TMEM63B: variants seen among roughly 807,000 people sequenced by gnomAD.
The protein encoded by TMEM63B is transmembrane protein 63B, also known as mechanosensitive cation channel TMEM63B.
In TMEM63B, 23 loss-of-function variants were observed where a neutral mutation model predicts 102.6. That is an observed-to-expected ratio of 0.22 (90% CI 0.16 to 0.32). TMEM63B has a LOEUF of 0.32. TMEM63B is among the 10% of genes least tolerant of loss of function. The probability of loss-of-function intolerance (pLI) is 1.00; values close to 1 mark genes in which losing one functional copy is unlikely to be tolerated. For missense variants in TMEM63B, 628 were observed against 1,095.9 expected, an observed-to-expected ratio of 0.57 and a Z score of 6.03; for synonymous variants, 444 against 437.0, an observed-to-expected ratio of 1.02 and a Z score of -0.20.
intron 18 of TMEM63B, among the ~76,000 whole-genome samples, chr6:44,151,213 T>C (rs1267167640): frequency 6.6e-6 from 1 of 152,136 alleles, no homozygotes; most frequent in Non-Finnish European, 1.5e-5. Context: ...TTCAGGCTTT[T>C]ATTCAGAGAT....
At chr6:44,145,516 C>T (rs569308780) in intron 10 of TMEM63B, among the ~76,000 whole-genome samples, 11 of 152,160 alleles carry the variant, frequency 7.2e-5, no homozygotes, top group Non-Finnish European at 1.5e-4. Context: ...CACTTGAACC[C>T]GGGAAGCAAA....
chr6:44,145,173 G>T (rs1582803969), intron 10 of TMEM63B, among the ~76,000 whole-genome samples: 1 of 151,496 alleles, frequency 6.6e-6, no homozygotes, highest in Non-Finnish European at 1.5e-5. Flanking sequence ...TACTGGAGAG[G>T]CTGAGACAGG....
At chr6:44,141,909 C>T (rs1764342372) in intron 10 of TMEM63B, among the ~76,000 whole-genome samples, 1 of 150,248 alleles carries the variant, frequency 6.7e-6, no homozygotes, top group African/African-American at 2.5e-5. Context: ...ATCACTTGAG[C>T]CCAGGAGTTG....
At position 44,155,067 on chromosome 6, in the gene TMEM63B, C is replaced by G. The variant is rs1382224330; in HGVS notation, c.*184C>G. ...TGATGGAGGGAGGGAGCCCCCCAAC[C>G]TCAGTGAGGAGAGCCCCGAGCCGGC... On this transcript the variant is annotated 3_prime_UTR_variant, in exon 24 of 24. Transcript: ENST00000323267. 1.7e-6 allele frequency: 1 copy of G among 582,314 alleles called. No homozygotes were observed. The highest frequency in any genetic ancestry group is 2.7e-6 in the Non-Finnish European group (1 of 367,050). The allele number at this position is 582,314 out of a possible 1,614,324, so 36.1% of individuals were successfully genotyped here. A position where few individuals can be genotyped will look rare whatever the true frequency, so the allele number is the denominator to read the frequency against.
In TMEM63B at chr6:44,152,801, C is replaced by T. The variant is rs1209606906; in HGVS notation, c.1942+103C>T. ...GCCACCCCGAGTGGACAGGGCCCGG[C>T]TGGGAGACCGGCCCCTCGGGGCTCC... is the stretch of plus-strand genomic sequence containing the variant. On this transcript the variant is annotated intron_variant, in intron 20 of 23. Transcript: ENST00000323267. The surrounding 1 kb of genome is among the most constrained non-coding windows in gnomAD (Gnocchi z 6.4). 1 of 981,204 alleles carries T rather than the reference C, an allele frequency of 1.0e-6. No individual in the cohort carries two copies. The highest frequency in any genetic ancestry group is 2.3e-5 in the Admixed American group (1 of 44,376). The allele number at this position is 981,204 out of a possible 1,614,324, so 60.8% of individuals were successfully genotyped here. A position where few individuals can be genotyped will look rare whatever the true frequency, so the allele number is the denominator to read the frequency against.
chr6:44,136,554 C>G (rs566787781), intron 5 of TMEM63B, 115 bp downstream of exon 5: 19 of 743,342 alleles, frequency 2.6e-5, no homozygotes, highest in Admixed American at 1.7e-4. Context: ...TGGCCTCCTC[C>G]TCAGCAAAGA....
intron 20 of TMEM63B, among the ~76,000 whole-genome samples, chr6:44,153,002 C>T (rs1031124552): frequency 3.9e-5 from 6 of 152,234 alleles, no homozygotes; most frequent in South Asian, 2.1e-4. Context: ...AGATCACATA[C>T]GTGCTGACAT....
At chr6:44,129,117 C>T (rs901708066) in intron 1 of TMEM63B, among the ~76,000 whole-genome samples, 11 of 152,040 alleles carry the variant, frequency 7.2e-5, no homozygotes, top group African/African-American at 2.4e-4. Context: ...CCTATAATTC[C>T]AGCACTTTGG....
At chr6:44,131,658 G>T (rs1288681839) in intron 1 of TMEM63B, among the ~76,000 whole-genome samples, 1 of 152,112 alleles carries the variant, frequency 6.6e-6, no homozygotes, top group African/African-American at 2.4e-5. Flanking sequence ...GGCAGAGGTT[G>T]CAGTGAGCCA....
intron 8 of TMEM63B, 41 bp downstream of exon 8, chr6:44,139,800 CAG>C: frequency 6.2e-7 from 1 of 1,613,076 alleles, no homozygotes; most frequent in Non-Finnish European, 8.5e-7. Context: ...GGTCTACGAC[CAG>C]AGTCTGGGCC....
chr6:44,138,424 G>A, intron 5 of TMEM63B, 56 bp from the exon 6 acceptor site: 11 of 1,611,448 alleles, frequency 6.8e-6, no homozygotes, highest in Non-Finnish European at 9.3e-6. Flanking sequence ...TGAGGGAGGA[G>A]AGAGGTTCGG....
In TMEM63B at chr6:44,152,105, G is replaced by GCTGAGACTTGGAGGT; in HGVS notation, c.1836+108_1836+109insAGGTCTGAGACTTGG. ...CGCTAGGGTTGAGGGGCACAGGAGG[G>GCTGAGACTTGGAGGT]CTGAGACTTGGGGAGTACAGTTGAC... On this transcript the variant is annotated intron_variant, in intron 19 of 23. Coordinates refer to ENST00000323267, the MANE Select transcript of TMEM63B (RefSeq NM_018426.3). The surrounding 1 kb of genome is among the most constrained non-coding windows in gnomAD (Gnocchi z 6.4). 2 of 1,414,878 alleles carry GCTGAGACTTGGAGGT rather than the reference G, an allele frequency of 1.4e-6. No individual in the cohort carries two copies. 87.6% of individuals were successfully genotyped at this position (1,414,878 alleles called of 1,614,324 possible).
chr6:44,147,038 T>C, intron 11 of TMEM63B, 111 bp downstream of exon 11: 10 of 1,208,974 alleles, frequency 8.3e-6, no homozygotes, highest in East Asian at 2.5e-5. Flanking sequence ...GGGCATTTGA[T>C]TTTAATTCAA....
intron 10 of TMEM63B, among the ~76,000 whole-genome samples, chr6:44,145,389 T>C (rs937149279): frequency 6.7e-6 from 1 of 148,988 alleles, no homozygotes; most frequent in African/African-American, 2.5e-5. Flanking sequence ...GAGACCAGCC[T>C]GGCCAACATG....
chr6:44,149,700 C>G (rs533536568), intron 15 of TMEM63B, among the ~76,000 whole-genome samples, 159 bp from the exon 16 acceptor site: 1 of 152,222 alleles, frequency 6.6e-6, no homozygotes, highest in South Asian at 2.1e-4. Flanking sequence ...ATGGCCCTGG[C>G]CCCCACCCTC....
chr6:44,127,215 A>AC (rs530577848), upstream of TMEM63B: 2,041 of 50,454 alleles, frequency 0.04, 25 homozygotes, highest in Middle Eastern at 0.12. Context: ...GACCCCTCCC[A>AC]CTGACGCTCT....
In TMEM63B at chr6:44,152,568, ATCC is replaced by A. The variant is rs767870319; in HGVS notation, c.1837-20_1837-18del. ...TGGTCAGTCCCTGCCTCCCTGAGCC[ATCC>A]TCCTGCCCGTCTCCCCCCCAGCATC... On this transcript the variant is annotated intron_variant, in intron 19 of 23. Transcript: ENST00000323267. The surrounding 1 kb of genome is among the most constrained non-coding windows in gnomAD (Gnocchi z 6.4). 8 of 1,564,300 alleles carry A rather than the reference ATCC, an allele frequency of 5.1e-6. No homozygotes were observed. Among genetic ancestry groups the A allele is most frequent in the Admixed American group, 1.7e-5 (1 of 58,612 alleles).
intron 15 of TMEM63B, among the ~76,000 whole-genome samples, 172 bp from the exon 16 acceptor site, chr6:44,149,687 C>T (rs931723323): frequency 6.6e-6 from 1 of 152,322 alleles, no homozygotes; most frequent in East Asian, 1.9e-4. Flanking sequence ...TGGGGTTATA[C>T]ATATGGCCCT....
chr6:44,146,709 C>G (rs1324133238), intron 10 of TMEM63B, 138 bp from the exon 11 acceptor site: 3 of 877,266 alleles, frequency 3.4e-6, no homozygotes, highest in Non-Finnish European at 5.6e-6. Flanking sequence ...CTTCGGCCCC[C>G]CAAAGTGCTG....
Sources: allele counts gnomAD v4.1 joint callset (sites outside exome capture counted in the v4.1 genomes callset), GRCh38; gene constraint gnomAD v4.1.1; non-coding constraint Gnocchi (gnomAD v3.1); transcripts MANE v1.5; gene names NCBI Gene and HGNC (gene_info 2026-07-23, HGNC 2026-07-21).